The following INPP5B variants were observed in gnomAD, a reference collection of about 807,000 sequenced individuals.
INPP5B encodes the protein type II inositol 1,4,5-trisphosphate 5-phosphatase.
INPP5B carries 90 observed loss-of-function variants against 118.5 expected under a neutral mutation model. The observed-to-expected ratio is 0.76, with a 90% CI of 0.64 to 0.90. The LOEUF (loss-of-function observed/expected upper bound fraction) is 0.90, where lower values mean the gene tolerates loss of function less well. Among genes scored for constraint, INPP5B ranks in the 40% least tolerant of loss-of-function variants. The pLI is 0.00. For synonymous variants in INPP5B, 385 were observed against 418.9 expected (o/e 0.92, Z 0.99); for missense variants, 984 against 1,125.6 (o/e 0.87, Z 1.80).
At chr1:37,875,947 G>A (rs761534049) in intron 16 of INPP5B, among the ~76,000 whole-genome samples, 1 of 152,178 alleles carries the variant, frequency 6.6e-6, no homozygotes, top group Non-Finnish European at 1.5e-5. Flanking sequence ...AAAAATACAT[G>A]GAAGTGAAAG....
intron 7 of INPP5B, chr1:37,931,665 C>G (rs1362397009): frequency 1.1e-5 from 16 of 1,522,480 alleles, no homozygotes; most frequent in African/African-American, 1.4e-5. Context: ...TCCCGCCGCC[C>G]GCCGAACCTG....
chr1:37,906,171 A>G (rs1165584722), intron 7 of INPP5B, among the ~76,000 whole-genome samples: 1 of 152,202 alleles, frequency 6.6e-6, no homozygotes, highest in East Asian at 1.9e-4. Flanking sequence ...CAGAGCCAAT[A>G]AAAGCCCCAT....
At chr1:37,935,864 A>G (rs1645666950) in intron 6 of INPP5B, among the ~76,000 whole-genome samples, 1 of 151,898 alleles carries the variant, frequency 6.6e-6, no homozygotes, top group African/African-American at 2.4e-5. Context: ...CAGGAGATCC[A>G]GACCATTCTG....
At chr1:37,891,244 G>T in intron 8 of INPP5B, 114 bp downstream of exon 8, 2 of 566,948 alleles carry the variant, frequency 3.5e-6, no homozygotes, top group Non-Finnish European at 3.1e-6. Flanking sequence ...AAAAAAAAAG[G>T]ACACTTCCTA....
intron 7 of INPP5B, among the ~76,000 whole-genome samples, chr1:37,910,707 T>C (rs2148599072): frequency 6.6e-6 from 1 of 152,288 alleles, no homozygotes; most frequent in African/African-American, 2.4e-5. Flanking sequence ...GCATGGCCTT[T>C]TAAAGCCTAT....
intron 7 of INPP5B, among the ~76,000 whole-genome samples, chr1:37,904,574 A>G (rs1570226088): frequency 6.6e-6 from 1 of 152,150 alleles, no homozygotes; most frequent in East Asian, 1.9e-4. Context: ...CTGCTCTTCA[A>G]CAAAAAAAAT....
chr1:37,933,141 A>G (rs1645554453), intron 6 of INPP5B, among the ~76,000 whole-genome samples: 1 of 152,236 alleles, frequency 6.6e-6, no homozygotes, highest in East Asian at 1.9e-4. Context: ...AGTTGTCTTC[A>G]GCATTTACAT....
chr1:37,878,891 C>A (rs1485526793), intron 15 of INPP5B, among the ~76,000 whole-genome samples: 1 of 150,496 alleles, frequency 6.6e-6, no homozygotes, highest in Non-Finnish European at 1.5e-5. Context: ...CTCAGGCAAT[C>A]TGCCCGCCTC....
In INPP5B at chr1:37,889,538, C is replaced by G. The variant is rs1292195060; in HGVS notation, c.797+19G>C. The G allele has an allele frequency of 6.2e-7, 1 of 1,604,066 alleles. No individual in the cohort carries two copies. The highest frequency in any genetic ancestry group is 1.3e-5 in the African/African-American group (1 of 74,592). ...ATGATCATTCTGCTCTGAAAACATC[C>G]TAGAACCCAGTTAGCTACCTGAAGT... is the stretch of plus-strand genomic sequence containing the variant. On this transcript the variant is annotated intron_variant, in intron 9 of 23. Coordinates refer to ENST00000373024, the MANE Select transcript of INPP5B (RefSeq NM_005540.3).
chr1:37,866,062 T>C (rs1218619662), intron 21 of INPP5B, 174 bp from the exon 22 acceptor site: 3 of 583,398 alleles, frequency 5.1e-6, no homozygotes, highest in Non-Finnish European at 4.3e-6. Flanking sequence ...AGCCAGGCCC[T>C]CCTGAGTTCC....
At chr1:37,889,844 A>G (rs1643741518) in intron 8 of INPP5B, 120 bp from the exon 9 acceptor site, 1 of 633,740 alleles carries the variant, frequency 1.6e-6, no homozygotes, top group Admixed American at 2.9e-5. Flanking sequence ...AAGGAGGCCA[A>G]AGTAAAATTT....
intron 7 of INPP5B, among the ~76,000 whole-genome samples, chr1:37,896,889 C>A (rs1174273177): frequency 1.6e-5 from 2 of 128,610 alleles, no homozygotes; most frequent in African/African-American, 5.9e-5. Flanking sequence ...CCAGCCGCCC[C>A]ATCCGGGAAG....
rs201781776 is a variant in INPP5B at position 37,931,829 on chromosome 1, C to T, written c.532+84G>A. 2,112 of 1,610,682 alleles carry T rather than the reference C, an allele frequency of 1.3e-3. 46 individuals carry two copies. In the South Asian group the frequency reaches 0.021, roughly 16 times the overall value. On this transcript the variant is annotated intron_variant, in intron 7 of 23. Transcript: ENST00000373024. ...AATCGAAAGCCTGTCTTCTCCATCG[C>T]TCCGCCCCAAAACAGAACGGAGCCC...
chr1:37,897,188 A>T (rs1644144452), intron 7 of INPP5B, among the ~76,000 whole-genome samples: 1 of 151,566 alleles, frequency 6.6e-6, no homozygotes, highest in South Asian at 2.1e-4. Flanking sequence ...GCCTACTGGG[A>T]AGTGAGGAGC....
chr1:37,891,032 G>A (rs1643810833), intron 8 of INPP5B, among the ~76,000 whole-genome samples: 1 of 152,000 alleles, frequency 6.6e-6, no homozygotes, highest in Non-Finnish European at 1.5e-5. Flanking sequence ...TTCGAGACCA[G>A]CCTGACCAAC....
At chr1:37,879,466 G>A (rs1274599694) in intron 15 of INPP5B, among the ~76,000 whole-genome samples, 1 of 151,876 alleles carries the variant, frequency 6.6e-6, no homozygotes, top group Non-Finnish European at 1.5e-5. Flanking sequence ...AAAATAACAA[G>A]GGCATCAAAT....
At position 37,907,217 on chromosome 1, in the gene INPP5B, CAAT is replaced by C. The variant is rs1464738923; in HGVS notation, c.533-15766_533-15764del. Among the ~76,000 whole-genome samples, 3 of 152,168 alleles carry C rather than the reference CAAT, an allele frequency of 2.0e-5. No homozygotes were observed. The highest frequency in any genetic ancestry group is 4.1e-4 in the South Asian group (2 of 4,834). On this transcript the variant is annotated intron_variant, in intron 7 of 23. Coordinates refer to ENST00000373024, the MANE Select transcript of INPP5B (RefSeq NM_005540.3). The surrounding 1 kb of genome is among the most constrained non-coding windows in gnomAD (Gnocchi z 4.3). The stretch of plus-strand genomic sequence containing the variant: ...GTTGTACTCTTTGTGTAGAAACGCA[CAAT>C]AAGCTTACTGAATGTTTTCTTAAAT...
chr1:37,894,551 TTTC>T (rs1230798086), intron 7 of INPP5B, among the ~76,000 whole-genome samples: 1 of 150,000 alleles, frequency 6.7e-6, no homozygotes, highest in Non-Finnish European at 1.5e-5. Flanking sequence ...CGTCTATGTT[TTTC>T]TTTTTTCTTT....
At chr1:37,891,636 T>C (rs1033802939) in intron 7 of INPP5B, among the ~76,000 whole-genome samples, 182 bp from the exon 8 acceptor site, 3 of 151,850 alleles carry the variant, frequency 2.0e-5, no homozygotes, top group African/African-American at 7.3e-5. Flanking sequence ...TAGCCAGGCA[T>C]GGTGGTGCAT....
Sources: gnomAD v4.1 joint callset for allele counts (sites outside exome capture counted in the v4.1 genomes callset) on GRCh38, gnomAD v4.1.1 for gene constraint, Gnocchi (gnomAD v3.1) non-coding constraint, MANE v1.5 for transcripts, NCBI Gene and HGNC (gene_info 2026-07-23, HGNC 2026-07-21) for gene names.